Variants in RIT2 observed in about 807,000 individuals in gnomAD.
RIT2 encodes the protein GTP-binding protein Rit2.
A neutral mutation model predicts 23.7 loss-of-function variants in RIT2; 24 were observed. The observed-to-expected ratio is 1.01, with a 90% confidence interval of 0.73 to 1.43. The LOEUF is 1.43. RIT2 is among the 40% of genes most tolerant of loss of function. The probability of loss-of-function intolerance (pLI) is 0.00; values close to 1 mark genes in which losing one functional copy is unlikely to be tolerated. For synonymous variants in RIT2, 107 were observed against 91.1 expected, an observed-to-expected ratio of 1.17 and a Z score of -0.99; for missense variants, 236 against 266.9, an observed-to-expected ratio of 0.88 and a Z score of 0.81.
chr18:42,749,737 A>G (rs538356755), intron 4 of RIT2, among the ~76,000 whole-genome samples: 4 of 152,034 alleles, frequency 2.6e-5, no homozygotes, highest in South Asian at 2.1e-4. Context: ...CTACCAAAAT[A>G]TAATTTTCAA....
chr18:42,831,452 C>G (rs554787656), intron 4 of RIT2, among the ~76,000 whole-genome samples: 1 of 152,002 alleles, frequency 6.6e-6, no homozygotes, highest in Non-Finnish European at 1.5e-5. Context: ...ATTATTATTA[C>G]GATTATTTTT....
chr18:43,021,383 C>T (rs1911594237), intron 2 of RIT2, among the ~76,000 whole-genome samples: 2 of 152,018 alleles, frequency 1.3e-5, no homozygotes, highest in Admixed American at 6.6e-5. Context: ...GAAAAAATAA[C>T]AGATCCCGGC....
intron 1 of RIT2, among the ~76,000 whole-genome samples, chr18:43,043,157 A>G (rs1262411987): frequency 1.3e-5 from 2 of 152,168 alleles, no homozygotes; most frequent in Non-Finnish European, 2.9e-5. Flanking sequence ...TTTATATATC[A>G]ATTTAAAAGT....
At chr18:42,744,014 C>G (rs965812639) in intron 4 of RIT2, among the ~76,000 whole-genome samples, 1 of 152,162 alleles carries the variant, frequency 6.6e-6, no homozygotes, top group Non-Finnish European at 1.5e-5. Flanking sequence ...AATGGTCGGT[C>G]CTTGCCTTAA....
At chr18:42,942,646 C>T (rs1398751378) in intron 3 of RIT2, among the ~76,000 whole-genome samples, 3 of 152,066 alleles carry the variant, frequency 2.0e-5, no homozygotes, top group Non-Finnish European at 4.4e-5. Flanking sequence ...AAGCTGTGTC[C>T]ATTAGGTGAA....
intron 1 of RIT2, among the ~76,000 whole-genome samples, chr18:43,059,662 T>A (rs1467459385): frequency 6.6e-6 from 1 of 152,198 alleles, no homozygotes; most frequent in Admixed American, 6.5e-5. Context: ...AAACACTAAT[T>A]TGACTTAAAT....
At chr18:42,891,914 G>A (rs1471501477) in intron 4 of RIT2, among the ~76,000 whole-genome samples, 2 of 152,134 alleles carry the variant, frequency 1.3e-5, no homozygotes, top group Admixed American at 6.5e-5. Context: ...GTGTGTCAAT[G>A]TAGATTTATT....
intron 4 of RIT2, among the ~76,000 whole-genome samples, chr18:42,791,430 C>T (rs1002353458): frequency 2.0e-5 from 3 of 152,166 alleles, no homozygotes; most frequent in Non-Finnish European, 2.9e-5. Context: ...CTGTTTTATG[C>T]TAATGAAATT....
intron 4 of RIT2, among the ~76,000 whole-genome samples, chr18:42,900,992 C>T (rs1291230803): frequency 6.6e-6 from 1 of 151,784 alleles, no homozygotes; most frequent in Non-Finnish European, 1.5e-5. Context: ...TTTTACTGTG[C>T]TGGCATTTTT....
chr18:43,064,327 T>C (rs957178839), intron 1 of RIT2, among the ~76,000 whole-genome samples: 1 of 152,176 alleles, frequency 6.6e-6, no homozygotes, highest in Non-Finnish European at 1.5e-5. Context: ...GAGTAATGCA[T>C]AGCCTTTTCA....
intron 4 of RIT2, among the ~76,000 whole-genome samples, chr18:42,744,101 A>AC (rs1177279925): frequency 4.0e-5 from 6 of 151,306 alleles, no homozygotes; most frequent in South Asian, 4.2e-4. Flanking sequence ...GCACCTTGTG[A>AC]CCCCCACTCC....
At chr18:42,881,887 G>A (rs1907904758) in intron 4 of RIT2, among the ~76,000 whole-genome samples, 1 of 152,168 alleles carries the variant, frequency 6.6e-6, no homozygotes, top group South Asian at 2.1e-4. Flanking sequence ...TTGGATTAAT[G>A]AATGCCTGTG....
At chr18:43,077,144 T>C (rs190899429) in intron 1 of RIT2, among the ~76,000 whole-genome samples, 20 of 149,424 alleles carry the variant, frequency 1.3e-4, no homozygotes, top group Admixed American at 1.2e-3. Flanking sequence ...CAAGCCTCAG[T>C]TGAATCCAAT....
At chr18:42,984,528 G>T (rs1018230322) in intron 2 of RIT2, among the ~76,000 whole-genome samples, 6 of 151,926 alleles carry the variant, frequency 3.9e-5, no homozygotes, top group Non-Finnish European at 7.4e-5. Context: ...TTTTCAAGAG[G>T]TTACCATTAG....
intron 3 of RIT2, among the ~76,000 whole-genome samples, chr18:42,963,730 T>TA (rs973999603): frequency 8.6e-5 from 13 of 151,526 alleles, no homozygotes; most frequent in East Asian, 1.9e-4. Flanking sequence ...CCATTTCTAC[T>TA]AAAAAAAATA....
chr18:43,092,585 A>G (rs1349835914), intron 1 of RIT2, among the ~76,000 whole-genome samples: 4 of 152,198 alleles, frequency 2.6e-5, no homozygotes, highest in African/African-American at 9.6e-5. Context: ...TTTCAAAGAC[A>G]TACTAAGTCC....
At chr18:42,811,261 C>T (rs1333746466) in intron 4 of RIT2, among the ~76,000 whole-genome samples, 1 of 152,046 alleles carries the variant, frequency 6.6e-6, no homozygotes, top group African/African-American at 2.4e-5. Context: ...TAGTTTTCCA[C>T]TGAATATTAA....
chr18:43,091,083 TAG>T (rs1011713898), intron 1 of RIT2, among the ~76,000 whole-genome samples: 4 of 151,898 alleles, frequency 2.6e-5, no homozygotes, highest in African/African-American at 9.7e-5. Flanking sequence ...TTAAATAAAT[TAG>T]AGTTTTCAAA....
intron 2 of RIT2, among the ~76,000 whole-genome samples, chr18:43,015,068 T>C (rs962640766): frequency 6.6e-6 from 1 of 151,762 alleles, no homozygotes; most frequent in East Asian, 1.9e-4. Flanking sequence ...TGTAGGGTTA[T>C]AAAGAACATG....
Sources: allele counts gnomAD v4.1 joint callset (sites outside exome capture counted in the v4.1 genomes callset), GRCh38; gene constraint gnomAD v4.1.1; transcripts MANE v1.5; gene names NCBI Gene and HGNC (gene_info 2026-07-23, HGNC 2026-07-21).